NHSL1: variants seen among roughly 807,000 people sequenced by gnomAD.
NHSL1 encodes the protein NHS like 1.
A neutral mutation model predicts 95.0 loss-of-function variants in NHSL1; 48 were observed. The ratio of observed to expected loss-of-function variants is 0.51; its 90% CI spans 0.40 to 0.64. The LOEUF is 0.64. Ranked by LOEUF, NHSL1 falls within the 30% of genes least tolerant of loss-of-function variation. NHSL1 has a pLI of 0.00. For missense variants in NHSL1, 1,971 were observed against 2,077.7 expected, an observed-to-expected ratio of 0.95 and a Z score of 1.00; for synonymous variants, 783 against 833.9, an observed-to-expected ratio of 0.94 and a Z score of 1.05.
intron 1 of NHSL1, among the ~76,000 whole-genome samples, chr6:138,659,749 C>T (rs1416171620): frequency 3.5e-5 from 5 of 143,710 alleles, no homozygotes; most frequent in Non-Finnish European, 6.0e-5. Flanking sequence ...TGGAGTCTCA[C>T]TCTGTCATCC....
At chr6:138,553,981 T>C (rs1338591055) in intron 1 of NHSL1, among the ~76,000 whole-genome samples, 1 of 152,140 alleles carries the variant, frequency 6.6e-6, no homozygotes, top group Non-Finnish European at 1.5e-5. Flanking sequence ...TCTGGAAATA[T>C]CTCTTACAAA....
Position 138,589,877 on chromosome 6 carries a change from C to T in NHSL1, c.97-93506G>A, listed in dbSNP as rs144468272. On this transcript the variant is annotated intron_variant, in intron 1 of 3. Coordinates refer to the NHSL1 transcript ENST00000491526. ...TTCCTTGGCCCTTGCACCTTGGCAT[C>T]CACACTGATCCTTCCATGGGTCCCC... Among the ~76,000 whole-genome samples the T allele has an allele frequency of 7.3e-3, 1,115 of 152,322 alleles. 16 individuals carry two copies. The highest frequency in any genetic ancestry group is 0.026 in the African/African-American group (1,066 of 41,570).
chr6:138,465,124 G>GCC (rs1054591070), intron 3 of NHSL1, among the ~76,000 whole-genome samples: 1 of 150,344 alleles, frequency 6.7e-6, no homozygotes, highest in Admixed American at 6.6e-5. Flanking sequence ...AATACCCTAG[G>GCC]CCTTCACATT....
chr6:138,647,370 C>T (rs1296323457), intron 1 of NHSL1, among the ~76,000 whole-genome samples: 1 of 152,152 alleles, frequency 6.6e-6, no homozygotes, highest in East Asian at 1.9e-4. Flanking sequence ...GATCTGTCTA[C>T]AAAACAAAAG....
upstream of NHSL1, among the ~76,000 whole-genome samples, chr6:138,576,309 C>T (rs1220459055): frequency 6.6e-6 from 1 of 152,132 alleles, no homozygotes; most frequent in East Asian, 1.9e-4. Flanking sequence ...CCTACTTTTA[C>T]AGTAATTGGT....
chr6:138,669,672 TAG>T (rs773763913), intron 1 of NHSL1, among the ~76,000 whole-genome samples: 25 of 152,168 alleles, frequency 1.6e-4, no homozygotes, highest in Non-Finnish European at 2.9e-4. Context: ...CTACCAAACA[TAG>T]AGGAAGTAAG....
rs1338584603 is a variant in NHSL1, at chr6:138,447,215, C to G, written c.340-22G>C. 3.3e-6 allele frequency: 5 copies of G among 1,536,200 alleles called. No homozygotes were observed. The Admixed American group carries it at 9.9e-5, about 30-fold the overall frequency. ...AACACTGCAGAGAAAAAAGAAGCAG[C>G]AGCCACAGTGTATAAAGAGCTGGCA... On this transcript the variant is annotated intron_variant, in intron 3 of 7. Coordinates refer to ENST00000343505, the MANE Select transcript of NHSL1 (RefSeq NM_001144060.2).
intron 1 of NHSL1, among the ~76,000 whole-genome samples, chr6:138,649,682 C>T (rs1785063299): frequency 6.6e-6 from 1 of 152,146 alleles, no homozygotes; most frequent in Non-Finnish European, 1.5e-5. Flanking sequence ...GAAGGTGCTG[C>T]CCTCATATAA....
chr6:138,425,349 G>A (rs984262307), intron 7 of NHSL1, among the ~76,000 whole-genome samples: 8 of 152,012 alleles, frequency 5.3e-5, no homozygotes, highest in African/African-American at 1.7e-4. Context: ...TGCCTGCCTC[G>A]GCCTCCCAAA....
chr6:138,491,289 G>C (rs1369713552), intron 2 of NHSL1, among the ~76,000 whole-genome samples: 1 of 152,196 alleles, frequency 6.6e-6, no homozygotes, highest in Non-Finnish European at 1.5e-5. Flanking sequence ...CATACTGTGA[G>C]AAATTATGTT....
intron 1 of NHSL1, chr6:138,691,844 C>T (rs1785676301): frequency 2.2e-6 from 1 of 454,028 alleles, no homozygotes; most frequent in Non-Finnish European, 4.4e-6. Context: ...AGAGCCTGAA[C>T]TCAAGGTCAA....
At chr6:138,483,203 G>A (rs572724364) in intron 2 of NHSL1, among the ~76,000 whole-genome samples, 2 of 152,322 alleles carry the variant, frequency 1.3e-5, no homozygotes, top group East Asian at 3.9e-4. Flanking sequence ...GGTGTTCGGT[G>A]GGGATCCCAA....
Position 138,614,843 on chromosome 6 carries a change from A to G in NHSL1, c.96+77633T>C, listed in dbSNP as rs138561539. On this transcript the variant is annotated intron_variant, in intron 1 of 3. Transcript: ENST00000491526. ...TGTGAACTGCGCATGGGAGGGATCTAGGTTGAATGCTTCTTATGAGAATCT... is the reference window on the plus strand; with the variant it reads ...TGTGAACTGCGCATGGGAGGGATCTGGGTTGAATGCTTCTTATGAGAATCT... 8.3e-3 allele frequency among the ~76,000 whole-genome samples: 1,259 copies of G among 152,312 alleles called. 16 individuals are homozygous for G. Among genetic ancestry groups the G allele is most frequent in the African/African-American group, 0.029 (1,201 of 41,568 alleles).
At chr6:138,657,120 A>C (rs955703298) in intron 1 of NHSL1, among the ~76,000 whole-genome samples, 27 of 152,042 alleles carry the variant, frequency 1.8e-4, no homozygotes, top group Non-Finnish European at 3.5e-4. Flanking sequence ...CAAAAAAAAA[A>C]CCCCTGCATT....
At chr6:138,665,928 A>T (rs1785288248) in intron 1 of NHSL1, among the ~76,000 whole-genome samples, 1 of 152,228 alleles carries the variant, frequency 6.6e-6, no homozygotes, top group East Asian at 1.9e-4. Context: ...ATTCAGTCAT[A>T]CACTGTGTCT....
chr6:138,570,691 C>A (rs1388560973), intron 1 of NHSL1, among the ~76,000 whole-genome samples: 1 of 152,226 alleles, frequency 6.6e-6, no homozygotes, highest in Non-Finnish European at 1.5e-5. Flanking sequence ...CTCATAAGCA[C>A]ATATTTAACT....
At chr6:138,555,697 T>A (rs1306311110) in intron 1 of NHSL1, among the ~76,000 whole-genome samples, 1 of 152,222 alleles carries the variant, frequency 6.6e-6, no homozygotes, top group Non-Finnish European at 1.5e-5. Flanking sequence ...ATCTTCTGCA[T>A]ATCTGCTTAG....
At chr6:138,455,241 C>T (rs1777505273) in intron 3 of NHSL1, among the ~76,000 whole-genome samples, 5 of 152,116 alleles carry the variant, frequency 3.3e-5, no homozygotes, top group Admixed American at 3.3e-4. Context: ...AATCACTTCT[C>T]GACTGTAAGC....
At chr6:138,511,302 A>T (rs1781212189) in intron 1 of NHSL1, among the ~76,000 whole-genome samples, 1 of 152,148 alleles carries the variant, frequency 6.6e-6, no homozygotes. Flanking sequence ...TGGCATTGTA[A>T]AGGCAGGTAT....
Sources: allele counts gnomAD v4.1 joint callset (sites outside exome capture counted in the v4.1 genomes callset), GRCh38; gene constraint gnomAD v4.1.1; transcripts MANE v1.5; gene names NCBI Gene and HGNC (gene_info 2026-07-23, HGNC 2026-07-21).